ACAP2: variants seen among roughly 807,000 people sequenced by gnomAD.
ACAP2 encodes the protein arf-GAP with coiled-coil, ANK repeat and PH domain-containing protein 2.
A neutral mutation model predicts 115.8 loss-of-function variants in ACAP2; 39 were observed. That is an observed-to-expected ratio of 0.34 (90% CI 0.26 to 0.44). The LOEUF (loss-of-function observed/expected upper bound fraction) is 0.44, where lower values mean the gene tolerates loss of function less well. Ranked by LOEUF, ACAP2 falls within the 20% of genes least tolerant of loss-of-function variation. ACAP2 has a pLI of 1.00. For missense variants in ACAP2, 662 were observed against 927.6 expected (o/e 0.71, Z 3.72); for synonymous variants, 289 against 315.8 (o/e 0.92, Z 0.90).
chr3:195,311,150 G>A (rs141953798), intron 10 of ACAP2, among the ~76,000 whole-genome samples: 63 of 143,448 alleles, frequency 4.4e-4, no homozygotes, highest in African/African-American at 1.6e-3. Context: ...AAGCTGGAGT[G>A]CAGGGGTGCG....
At chr3:195,306,403 A>C in intron 13 of ACAP2, 108 bp downstream of exon 13, 1 of 575,736 alleles carries the variant, frequency 1.7e-6, no homozygotes, top group South Asian at 3.7e-5. Context: ...TCAATTACAT[A>C]AAATCATCTT....
Position 195,322,989 on chromosome 3 carries a change from A to C in ACAP2, c.745-2176T>G, listed in dbSNP as rs556582345. ...CCTTAAATACACTGATGACCTGACA[A>C]ACTAGGAAGGAATACTCAAAGGCAA... On this transcript the variant is annotated intron_variant, in intron 9 of 22. Coordinates refer to ENST00000326793, the MANE Select transcript of ACAP2 (RefSeq NM_012287.6). 5.3e-5 allele frequency among the ~76,000 whole-genome samples: 8 copies of C among 152,324 alleles called. No individual in the cohort carries two copies. In the South Asian group the frequency reaches 1.7e-3, roughly 32 times the overall value.
At chr3:195,297,545 C>T (rs1727736048) in intron 15 of ACAP2, among the ~76,000 whole-genome samples, 1 of 152,158 alleles carries the variant, frequency 6.6e-6, no homozygotes, top group Non-Finnish European at 1.5e-5. Flanking sequence ...ACAAGTTTAT[C>T]TATGTATCTA....
intron 10 of ACAP2, among the ~76,000 whole-genome samples, chr3:195,319,897 TG>T (rs1284720604): frequency 2.0e-5 from 3 of 152,304 alleles, no homozygotes; most frequent in Non-Finnish European, 4.4e-5. Context: ...AAATATGGTT[TG>T]GCTCTGTATC....
chr3:195,361,972 G>T (rs1023255717), intron 4 of ACAP2, among the ~76,000 whole-genome samples: 16 of 152,206 alleles, frequency 1.1e-4, no homozygotes, highest in Non-Finnish European at 1.3e-4. Flanking sequence ...GAAGCACGAA[G>T]AAATCCAAAA....
chr3:195,424,975 T>C (rs6781311), intron 1 of ACAP2, among the ~76,000 whole-genome samples: 28,094 of 101,388 alleles, frequency 0.28, 4,764 homozygotes, highest in East Asian at 0.81. Context: ...TGCAGTGAGC[T>C]GAGATCGCGC....
At chr3:195,344,978 A>T (rs1013019265) in intron 5 of ACAP2, among the ~76,000 whole-genome samples, 1 of 152,258 alleles carries the variant, frequency 6.6e-6, no homozygotes, top group Non-Finnish European at 1.5e-5. Context: ...AAGAACAATT[A>T]GATTATTTAC....
At chr3:195,300,340 C>T (rs893993840) in intron 15 of ACAP2, among the ~76,000 whole-genome samples, 7 of 152,202 alleles carry the variant, frequency 4.6e-5, no homozygotes, top group East Asian at 3.9e-4. Context: ...CCACCGCACC[C>T]GGCCACAGGA....
intron 1 of ACAP2, among the ~76,000 whole-genome samples, chr3:195,423,793 TTA>T (rs1245359451): frequency 6.6e-6 from 1 of 152,118 alleles, no homozygotes; most frequent in Non-Finnish European, 1.5e-5. Flanking sequence ...CACTGAAATT[TTA>T]TATAATTTTC....
intron 15 of ACAP2, 31 bp downstream of exon 15, chr3:195,301,544 T>A (rs768458021): frequency 6.7e-7 from 1 of 1,485,968 alleles, no homozygotes; most frequent in Non-Finnish European, 9.3e-7. Flanking sequence ...TGTGAAAATA[T>A]GAAATATTTT....
At chr3:195,385,815 A>T (rs969095745) in intron 2 of ACAP2, among the ~76,000 whole-genome samples, 8 of 152,238 alleles carry the variant, frequency 5.3e-5, no homozygotes, top group African/African-American at 1.9e-4. Context: ...TATAGGCCAG[A>T]TACGGGACAA....
At chr3:195,365,620 GA>G (rs999556018) in intron 4 of ACAP2, among the ~76,000 whole-genome samples, 24 of 151,484 alleles carry the variant, frequency 1.6e-4, no homozygotes, top group African/African-American at 5.6e-4. Context: ...ACTCTCTTCT[GA>G]TGATTCTCCA....
rs758554266 is a variant in ACAP2 at position 195,307,327 on chromosome 3, T to C, written c.910-4A>G. 2.5e-6 allele frequency: 4 copies of C among 1,591,296 alleles called. No individual in the cohort carries two copies. The highest frequency in any genetic ancestry group is 1.1e-5 in the South Asian group (1 of 87,144). The stretch of plus-strand genomic sequence containing the variant: ...CAACTACCACAGTCGGATTATCCTA[T>C]AGTGAGGAAACCAAATTTCCATATT... On this transcript the variant is annotated splice_region_variant and splice_polypyrimidine_tract_variant and intron_variant, in intron 11 of 22. Coordinates refer to ENST00000326793, the MANE Select transcript of ACAP2 (RefSeq NM_012287.6).
chr3:195,417,136 T>C (rs1237257040), intron 1 of ACAP2, among the ~76,000 whole-genome samples: 4 of 149,646 alleles, frequency 2.7e-5, no homozygotes, highest in Non-Finnish European at 5.9e-5. Context: ...CTCCCATTGT[T>C]GCCCTAGCTG....
Position 195,333,060 on chromosome 3 carries a change from G to T in ACAP2, c.637C>A (p.Leu213Ile). 6.2e-7 allele frequency: 1 copy of T among 1,610,298 alleles called. No homozygotes were observed. Among genetic ancestry groups the T allele is most frequent in the South Asian group, 1.1e-5 (1 of 90,520 alleles). ...CCAAGATCCTTCATGTAGGGTCCAA[G>T]TTCACTAAACAGATCATATCCTTGA... ...FHQGYDLFSE[L>I]GPYMKDLGAQ... The change falls in exon 8 of 23, where the codon CTT becomes ATT. Residue 213 changes from leucine (L) to isoleucine (I), a missense_variant. Leu to Ile is a conservative substitution (Grantham distance 5). Around this residue, in one of 3 missense-constraint regions of ACAP2, gnomAD observed 401 missense variants for 604.4 expected, o/e 0.66. Transcript: ENST00000326793.
At chr3:195,345,174 T>C in intron 5 of ACAP2, 85 bp downstream of exon 5, 1 of 902,400 alleles carries the variant, frequency 1.1e-6, no homozygotes, top group Non-Finnish European at 1.8e-6. Context: ...TAATTCATGG[T>C]ATATAACTTC....
chr3:195,381,474 A>C lies in ACAP2; in HGVS notation c.232-412T>G, dbSNP rs141738490. Among the ~76,000 whole-genome samples the C allele has an allele frequency of 1.1e-4, 17 of 152,268 alleles. No individual in the cohort carries two copies. In the East Asian group the frequency reaches 3.3e-3, roughly 29 times the overall value. ...ACCACATAGTATACCAAGGAATCTAAGCTAACCGAGCATAAGCTGGCTAAT... is the reference window on the plus strand; with the variant it reads ...ACCACATAGTATACCAAGGAATCTACGCTAACCGAGCATAAGCTGGCTAAT... On this transcript the variant is annotated intron_variant, in intron 3 of 22. Coordinates refer to ENST00000326793, the MANE Select transcript of ACAP2 (RefSeq NM_012287.6).
intron 1 of ACAP2, among the ~76,000 whole-genome samples, chr3:195,413,195 C>G (rs1051467103): frequency 6.6e-6 from 1 of 152,008 alleles, no homozygotes; most frequent in African/African-American, 2.4e-5. Flanking sequence ...TTGCTATTGC[C>G]GTATTTTCTT....
At chr3:195,405,515 A>G (rs1712689676) in intron 1 of ACAP2, among the ~76,000 whole-genome samples, 1 of 152,016 alleles carries the variant, frequency 6.6e-6, no homozygotes, top group African/African-American at 2.4e-5. Context: ...TGAAACCCCC[A>G]TCTCTATTAA....
Sources: allele counts gnomAD v4.1 joint callset (sites outside exome capture counted in the v4.1 genomes callset), GRCh38; gene constraint gnomAD v4.1.1; regional missense constraint gnomAD v4.1.1; transcripts MANE v1.5; gene names NCBI Gene and HGNC (gene_info 2026-07-23, HGNC 2026-07-21).